CNTNAP3: variants seen among roughly 807,000 people sequenced by gnomAD.
The protein encoded by CNTNAP3 is contactin associated protein family member 3, also known as contactin-associated protein-like 3.
Under a neutral mutation model 92.1 loss-of-function variants are expected in CNTNAP3, and 36 were observed. That is an observed-to-expected ratio of 0.39 (90% CI 0.30 to 0.52). The LOEUF (loss-of-function observed/expected upper bound fraction) is 0.52. CNTNAP3 is among the 20% of genes least tolerant of loss of function. The pLI is 0.76. For missense variants in CNTNAP3, 534 were observed against 1,069.6 expected, an observed-to-expected ratio of 0.50 and a Z score of 6.98; for synonymous variants, 232 against 422.3, an observed-to-expected ratio of 0.55 and a Z score of 5.53.
chr9:39,114,493 C>T (rs1304781389), intron 14 of CNTNAP3, among the ~76,000 whole-genome samples: 1 of 152,090 alleles, frequency 6.6e-6, no homozygotes, highest in Non-Finnish European at 1.5e-5. Context: ...CCTAACAATG[C>T]TTTTCATCTT....
rs538183967 is a variant in CNTNAP3, at chr9:39,114,425, G to A, written c.2237+3678C>T. Among the ~76,000 whole-genome samples, 7 of 152,158 alleles carry A rather than the reference G, an allele frequency of 4.6e-5. No homozygotes were observed. The South Asian group carries it at 1.5e-3, about 32-fold the overall frequency. On this transcript the variant is annotated intron_variant, in intron 14 of 23. Transcript: ENST00000297668. ...TTAAACAATCTGATGATACACACAA[G>A]TGTAGTGAGATCTTTCTAGTGAGTT...
intron 14 of CNTNAP3, among the ~76,000 whole-genome samples, chr9:39,113,853 A>T (rs1308348149): frequency 4.0e-5 from 6 of 151,278 alleles, no homozygotes; most frequent in African/African-American, 1.5e-4. Flanking sequence ...GTTAATTATA[A>T]TATTAAAATA....
intron 13 of CNTNAP3, among the ~76,000 whole-genome samples, chr9:39,129,226 T>C (rs1169050484): frequency 2.6e-5 from 4 of 152,338 alleles, no homozygotes; most frequent in African/African-American, 9.6e-5. Flanking sequence ...GAGGAATAAC[T>C]CAACCCTGCT....
At chr9:39,104,139 C>G (rs1199057794) in intron 15 of CNTNAP3, among the ~76,000 whole-genome samples, 8 of 151,920 alleles carry the variant, frequency 5.3e-5, no homozygotes, top group African/African-American at 1.5e-4. Flanking sequence ...CAAACAAAAG[C>G]GAAGCAAAAG....
chr9:39,123,713 G>C (rs933616128), intron 13 of CNTNAP3, among the ~76,000 whole-genome samples: 1 of 151,952 alleles, frequency 6.6e-6, no homozygotes, highest in Non-Finnish European at 1.5e-5. Flanking sequence ...ACCTACATAG[G>C]AGCAAGAATG....
intron 13 of CNTNAP3, among the ~76,000 whole-genome samples, chr9:39,131,016 G>C (rs1388931769): frequency 6.6e-6 from 1 of 151,914 alleles, no homozygotes; most frequent in African/African-American, 2.4e-5. Flanking sequence ...CTTTTCAAAA[G>C]AGGAGAAATA....
chr9:39,068,427 A>AAAATT lies in CNTNAP3; in HGVS notation c.*5458_*5462dup, dbSNP rs769603246. ...CAAGACTCCGTCTCAAAAATAAAATAAAATTAAATTAAATTAAATAAAAAT... is the reference window on the plus strand; with the variant it reads ...CAAGACTCCGTCTCAAAAATAAAATAAAATTAAATTAAATTAAATTAAATAAAAAT... On this transcript the variant is annotated 3_prime_UTR_variant, in exon 24 of 24. Coordinates refer to ENST00000297668, the MANE Select transcript of CNTNAP3 (RefSeq NM_033655.5). Among the ~76,000 whole-genome samples, 4 of 121,322 alleles carry AAAATT rather than the reference A, an allele frequency of 3.3e-5. No individual in the cohort carries two copies. The highest frequency in any genetic ancestry group is 2.4e-4 in the East Asian group (1 of 4,112). 79.6% of individuals were successfully genotyped at this position (121,322 alleles called of 152,430 possible). A position where few individuals can be genotyped will look rare whatever the true frequency, so the allele number is the denominator to read the frequency against.
chr9:39,115,004 C>A (rs937421890), intron 14 of CNTNAP3, among the ~76,000 whole-genome samples: 1 of 150,328 alleles, frequency 6.7e-6, no homozygotes, highest in African/African-American at 2.5e-5. Flanking sequence ...CATTATAGTG[C>A]CTTTTAAATA....
At chr9:39,086,199 T>C (rs1414270616) in intron 20 of CNTNAP3, 1 of 290,074 alleles carries the variant, frequency 3.4e-6, no homozygotes, top group Non-Finnish European at 6.4e-6. Flanking sequence ...CTCTATACAG[T>C]ATATTTTCCT....
At position 39,065,408 on chromosome 9, in the gene CNTNAP3, G is replaced by A. The variant is rs1198633454; in HGVS notation, c.*8482C>T. On this transcript the variant is annotated 3_prime_UTR_variant, in exon 24 of 24. Transcript: ENST00000297668. ...GGTCTTTTAGGCAGTTTACAGTTTG[G>A]GGATATTATAAGTAAAGATGCTATA... 1.1e-4 allele frequency among the ~76,000 whole-genome samples: 17 copies of A among 152,300 alleles called. No individual in the cohort carries two copies. The highest frequency in any genetic ancestry group is 4.1e-4 in the African/African-American group (17 of 41,566).
In CNTNAP3 at chr9:39,069,716, A is replaced by G. The variant is rs1252730984; in HGVS notation, c.*4174T>C. 2.6e-5 allele frequency among the ~76,000 whole-genome samples: 4 copies of G among 152,300 alleles called. No individual in the cohort carries two copies. Among genetic ancestry groups the G allele is most frequent in the Non-Finnish European group, 5.9e-5 (4 of 68,046 alleles). On this transcript the variant is annotated 3_prime_UTR_variant, in exon 24 of 24. Coordinates refer to ENST00000297668, the MANE Select transcript of CNTNAP3 (RefSeq NM_033655.5). The stretch of plus-strand genomic sequence containing the variant: ...ATGGCAACTTTATGTAACCTTCTTA[A>G]GGTTACATTTGCACTTAAGTATACC...
intron 11 of CNTNAP3, among the ~76,000 whole-genome samples, chr9:39,140,976 G>A (rs1348512232): frequency 6.6e-6 from 1 of 152,120 alleles, no homozygotes; most frequent in Non-Finnish European, 1.5e-5. Context: ...TGCTTACAGT[G>A]GGAATGCGAT....
chr9:39,079,177 G>A (rs981361925), intron 21 of CNTNAP3, among the ~76,000 whole-genome samples: 1 of 152,086 alleles, frequency 6.6e-6, no homozygotes, highest in Non-Finnish European at 1.5e-5. Context: ...GCAAGTAACA[G>A]AGCTTCATAG....
chr9:39,099,335 A>C (rs1258773596), intron 18 of CNTNAP3, among the ~76,000 whole-genome samples: 8 of 152,186 alleles, frequency 5.3e-5, no homozygotes, highest in African/African-American at 1.9e-4. Flanking sequence ...GTCAAACATC[A>C]TAGAGCACAG....
intron 3 of CNTNAP3, among the ~76,000 whole-genome samples, chr9:39,209,619 CT>C (rs1263089753): frequency 6.4e-4 from 56 of 87,540 alleles, no homozygotes; most frequent in African/African-American, 8.1e-4. Context: ...CCCTCCCTCC[CT>C]CCCCCACTCC....
intron 12 of CNTNAP3, among the ~76,000 whole-genome samples, chr9:39,137,448 TGTTTA>T (rs942106326): frequency 6.6e-6 from 1 of 152,128 alleles, no homozygotes; most frequent in Non-Finnish European, 1.5e-5. Flanking sequence ...TAATTATAGT[TGTTTA>T]AAGTCCTGGT....
At chr9:39,118,691 C>A (rs1278214144) in intron 13 of CNTNAP3, among the ~76,000 whole-genome samples, 4 of 152,132 alleles carry the variant, frequency 2.6e-5, no homozygotes, top group Non-Finnish European at 4.4e-5. Flanking sequence ...TGCTAACTAC[C>A]TGTATATTAC....
In CNTNAP3 at chr9:39,071,387, C is replaced by T. The variant is rs1176082661; in HGVS notation, c.*2503G>A. The stretch of plus-strand genomic sequence containing the variant: ...GGACAAAAATATTGAGATAATACCA[C>T]TCACCAGTGTCACTATTTTACAGAG... On this transcript the variant is annotated 3_prime_UTR_variant, in exon 24 of 24. Coordinates refer to ENST00000297668, the MANE Select transcript of CNTNAP3 (RefSeq NM_033655.5). 1.3e-5 allele frequency among the ~76,000 whole-genome samples: 2 copies of T among 151,682 alleles called. No homozygotes were observed. Among genetic ancestry groups the T allele is most frequent in the East Asian group, 1.9e-4 (1 of 5,168 alleles).
chr9:39,071,321 G>C lies in CNTNAP3; in HGVS notation c.*2569C>G, dbSNP rs1368637867. 6.7e-6 allele frequency among the ~76,000 whole-genome samples: 1 copy of C among 149,610 alleles called. No homozygotes were observed. ...GTTTATGCCGTAATAATGACTTTTAGTAAACAATGAAGATTTACAGTGATT... is the reference window on the plus strand; with the variant it reads ...GTTTATGCCGTAATAATGACTTTTACTAAACAATGAAGATTTACAGTGATT... On this transcript the variant is annotated 3_prime_UTR_variant, in exon 24 of 24. Coordinates refer to ENST00000297668, the MANE Select transcript of CNTNAP3 (RefSeq NM_033655.5).
Sources: allele counts gnomAD v4.1 joint callset (sites outside exome capture counted in the v4.1 genomes callset), GRCh38; gene constraint gnomAD v4.1.1; transcripts MANE v1.5; gene names NCBI Gene and HGNC (gene_info 2026-07-23, HGNC 2026-07-21).